Variants in ANO4 observed in about 807,000 individuals in gnomAD.
ANO4 encodes anoctamin 4.
In ANO4, 69 loss-of-function variants were observed where a neutral mutation model predicts 141.9. The ratio of observed to expected loss-of-function variants is 0.49; its 90% CI spans 0.40 to 0.59. The LOEUF (loss-of-function observed/expected upper bound fraction) is 0.59, where lower values mean the gene tolerates loss of function less well. Ranked by LOEUF, ANO4 falls within the 20% of genes least tolerant of loss-of-function variation. The pLI, the probability that ANO4 is intolerant of heterozygous loss-of-function variation, is 0.00. For missense variants in ANO4, 894 were observed against 1,162.2 expected, an observed-to-expected ratio of 0.77 and a Z score of 3.36; for synonymous variants, 350 against 394.3, an observed-to-expected ratio of 0.89 and a Z score of 1.33.
chr12:100,851,145 G>A (rs1441971512), intron 1 of ANO4, among the ~76,000 whole-genome samples: 1 of 152,144 alleles, frequency 6.6e-6, no homozygotes. Context: ...ATGCCAAGAT[G>A]CTTCCAGAGT....
intron 14 of ANO4, among the ~76,000 whole-genome samples, chr12:101,054,537 TC>T (rs2048018940): frequency 6.6e-6 from 1 of 152,206 alleles, no homozygotes; most frequent in Non-Finnish European, 1.5e-5. Flanking sequence ...TCTCGCTCTG[TC>T]CCCCAGGCTG....
chr12:100,920,479 A>G (rs970457049), intron 2 of ANO4, among the ~76,000 whole-genome samples: 1 of 144,170 alleles, frequency 6.9e-6, no homozygotes, highest in African/African-American at 2.5e-5. Flanking sequence ...AACAAAGCTG[A>G]CTAGCCTTAG....
At chr12:100,933,140 T>G (rs1035333666) in intron 3 of ANO4, among the ~76,000 whole-genome samples, 2 of 152,052 alleles carry the variant, frequency 1.3e-5, no homozygotes, top group African/African-American at 4.8e-5. Flanking sequence ...AAAATTATAT[T>G]TTAAGTTCTA....
At chr12:100,797,961 T>C (rs1158175560) in intron 1 of ANO4, among the ~76,000 whole-genome samples, 1 of 152,218 alleles carries the variant, frequency 6.6e-6, no homozygotes, top group Admixed American at 6.5e-5. Context: ...GAAGAAATTG[T>C]TTCTGTTAGT....
chr12:100,931,773 G>A (rs1047263957), intron 3 of ANO4, among the ~76,000 whole-genome samples: 1 of 152,000 alleles, frequency 6.6e-6, no homozygotes, highest in Non-Finnish European at 1.5e-5. Context: ...ACTGAAAATT[G>A]ATGTCATCCT....
At chr12:100,853,697 G>C (rs530466541) in intron 1 of ANO4, among the ~76,000 whole-genome samples, 1 of 151,926 alleles carries the variant, frequency 6.6e-6, no homozygotes, top group Non-Finnish European at 1.5e-5. Context: ...GCATACTTCC[G>C]TGACCTATTA....
At chr12:100,838,260 A>G (rs947028094) in intron 1 of ANO4, among the ~76,000 whole-genome samples, 1 of 149,516 alleles carries the variant, frequency 6.7e-6, no homozygotes, top group Non-Finnish European at 1.5e-5. Context: ...AAGATTTGCA[A>G]GAGTTACCAC....
chr12:101,068,052 G>A (rs187866204), intron 14 of ANO4, among the ~76,000 whole-genome samples: 1 of 152,342 alleles, frequency 6.6e-6, no homozygotes, highest in East Asian at 1.9e-4. Context: ...CTGAACGATT[G>A]TCTGTAATGG....
chr12:101,127,210 GA>G, intron 27 of ANO4, 136 bp downstream of exon 27: 1 of 963,100 alleles, frequency 1.0e-6, no homozygotes, highest in Non-Finnish European at 1.5e-6. Flanking sequence ...CAATCCAAAA[GA>G]AGCTTGTTTT....
At chr12:101,018,962 A>T (rs1214186130) in intron 8 of ANO4, among the ~76,000 whole-genome samples, 1 of 152,244 alleles carries the variant, frequency 6.6e-6, no homozygotes, top group Non-Finnish European at 1.5e-5. Flanking sequence ...AAATGAAAAA[A>T]AAATGACAAT....
In ANO4 at chr12:100,824,104, G is replaced by A. The variant is rs190605207; in HGVS notation, c.-141+29077G>A. ...ACACTGACATAAAAATTAAGCCTGG[G>A]AGATTCCTGAGTTTGTTTTGTGCAA... On this transcript the variant is annotated intron_variant, in intron 1 of 27. Coordinates refer to ENST00000392977, the MANE Select transcript of ANO4 (RefSeq NM_001286615.2). Among the ~76,000 whole-genome samples the A allele has an allele frequency of 2.4e-4, 36 of 152,102 alleles. 1 individual carries two copies. The highest frequency in any genetic ancestry group is 1.8e-3 in the Admixed American group (28 of 15,256).
chr12:101,059,728 C>A (rs1000886286), intron 14 of ANO4, among the ~76,000 whole-genome samples: 2 of 152,086 alleles, frequency 1.3e-5, no homozygotes, highest in African/African-American at 4.8e-5. Context: ...GTGGTTATAT[C>A]CCCTTTATCA....
chr12:101,086,579 C>T (rs891379170), intron 16 of ANO4, 81 bp from the exon 17 acceptor site: 39 of 1,518,892 alleles, frequency 2.6e-5, no homozygotes, highest in East Asian at 4.5e-5. Flanking sequence ...CTTTTCCCAT[C>T]AGAGGATGTT....
At chr12:100,835,436 T>C (rs926432685) in intron 1 of ANO4, among the ~76,000 whole-genome samples, 9 of 152,084 alleles carry the variant, frequency 5.9e-5, no homozygotes, top group Non-Finnish European at 8.8e-5. Context: ...AGCCAAGAGT[T>C]GAATCTCTGC....
intron 3 of ANO4, among the ~76,000 whole-genome samples, chr12:100,788,187 T>A (rs2033932467): frequency 6.6e-6 from 1 of 152,156 alleles, no homozygotes; most frequent in South Asian, 2.1e-4. Flanking sequence ...AAAGAAAAGT[T>A]GCCTAGATTT....
chr12:100,889,125 G>A (rs746104326), intron 1 of ANO4, among the ~76,000 whole-genome samples: 74 of 148,026 alleles, frequency 5.0e-4, no homozygotes, highest in Non-Finnish European at 9.9e-4. Context: ...GTGAGAACAT[G>A]TGGTGTTTGG....
intron 14 of ANO4, among the ~76,000 whole-genome samples, chr12:101,063,745 C>CT: frequency 0.024 from 586 of 24,792 alleles, 90 homozygotes; most frequent in Admixed American, 0.03. Context: ...TCCAGGTTAT[C>CT]TTTTTTTTTT....
intron 17 of ANO4, among the ~76,000 whole-genome samples, chr12:101,087,750 T>C (rs1176072560): frequency 6.6e-6 from 1 of 152,016 alleles, no homozygotes; most frequent in Non-Finnish European, 1.5e-5. Flanking sequence ...CAGAATCAGC[T>C]CCTCCCACAG....
chr12:100,820,314 T>G (rs2035969745), intron 1 of ANO4, among the ~76,000 whole-genome samples: 1 of 150,414 alleles, frequency 6.6e-6, no homozygotes, highest in South Asian at 2.1e-4. Flanking sequence ...TCTCCTGGTT[T>G]TATTCTTACC....
Sources: gnomAD v4.1 joint callset for allele counts (sites outside exome capture counted in the v4.1 genomes callset) on GRCh38, gnomAD v4.1.1 for gene constraint, MANE v1.5 for transcripts, NCBI Gene and HGNC (gene_info 2026-07-23, HGNC 2026-07-21) for gene names.